The following TMC6 variants were observed in gnomAD, a reference collection of about 807,000 sequenced individuals.
TMC6 encodes the protein transmembrane channel-like protein 6.
A neutral mutation model predicts 95.4 loss-of-function variants in TMC6; 71 were observed. That is an observed-to-expected ratio of 0.74 (90% CI 0.61 to 0.91). The LOEUF (loss-of-function observed/expected upper bound fraction) is 0.91, where lower values mean the gene tolerates loss of function less well. TMC6 is among the 40% of genes least tolerant of loss of function. TMC6 has a pLI of 0.00. For synonymous variants in TMC6, 514 were observed against 483.1 expected (o/e 1.06, Z -0.84); for missense variants, 1,074 against 1,079.1 (o/e 1.00, Z 0.07).
intron 4 of TMC6, 91 bp from the exon 5 acceptor site, chr17:78,125,975 C>T: frequency 6.6e-7 from 1 of 1,515,968 alleles, no homozygotes; most frequent in African/African-American, 1.4e-5. Context: ...CGTCCCTCAC[C>T]CCTTCCCAGG....
chr17:78,127,198 G>A (rs946303126), intron 1 of TMC6, among the ~76,000 whole-genome samples: 1 of 152,212 alleles, frequency 6.6e-6, no homozygotes. Flanking sequence ...TGGGGAAGAG[G>A]TAGGGTGCCT....
Position 78,109,509 on chromosome 17 carries a change from C to G in TMC6, c.*3639G>C, listed in dbSNP as rs1205317419. 1 of 456,644 alleles carries G rather than the reference C, an allele frequency of 2.2e-6. No individual in the cohort carries two copies. Among genetic ancestry groups the G allele is most frequent in the Non-Finnish European group, 4.4e-6 (1 of 226,980 alleles). 28.3% of individuals were successfully genotyped at this position (456,644 alleles called of 1,614,324 possible). A position where few individuals can be genotyped will look rare whatever the true frequency, so the allele number is the denominator to read the frequency against. ...CTGGGCCCCAGGTCATCATGAAAAC[C>G]AGAAGCAGACACTCAGGAGGCTGAG... On this transcript the variant is annotated 3_prime_UTR_variant, in exon 20 of 20. Coordinates refer to ENST00000590602, the MANE Select transcript of TMC6 (RefSeq NM_001127198.5).
Position 78,108,252 on chromosome 17 carries a change from C to G in TMC6, c.*4896G>C, listed in dbSNP as rs550559169. On this transcript the variant is annotated 3_prime_UTR_variant, in exon 20 of 20. Transcript: ENST00000590602. ...GACCCGCACCCCCGCCACAGGCTGG[C>G]CCCCCCCCACCCATGGGGAAGGTGG... The G allele has an allele frequency of 3.4e-4, 51 of 148,026 alleles. No individual in the cohort carries two copies. The Middle Eastern group carries it at 5.9e-3, about 17-fold the overall frequency. The allele number at this position is 148,026 out of a possible 1,614,324, so 9.2% of individuals were successfully genotyped here.
rs2144821245 is a variant in TMC6, at chr17:78,112,502, C to T, written c.*646G>A. 1 of 163,596 alleles carries T rather than the reference C, an allele frequency of 6.1e-6. No individual in the cohort carries two copies. Among genetic ancestry groups the T allele is most frequent in the Middle Eastern group, 3.1e-3 (1 of 320 alleles). The allele number at this position is 163,596 out of a possible 1,614,324, so 10.1% of individuals were successfully genotyped here. A position where few individuals can be genotyped will look rare whatever the true frequency, so the allele number is the denominator to read the frequency against. On this transcript the variant is annotated 3_prime_UTR_variant, in exon 20 of 20. Transcript: ENST00000590602. Reference sequence around the variant, plus strand: ...GGGGCCAGCCCCACCTCACCAAGCCCTGTTCGCCTCCAAGCACAGGTGCTG... The same window carrying T: ...GGGGCCAGCCCCACCTCACCAAGCCTTGTTCGCCTCCAAGCACAGGTGCTG...
chr17:78,130,374 C>T (rs557390715), upstream of TMC6, among the ~76,000 whole-genome samples: 5 of 152,380 alleles, frequency 3.3e-5, no homozygotes, highest in South Asian at 1.0e-3. Context: ...CCACCGTTCC[C>T]ATCCCCACCC....
At position 78,113,622 on chromosome 17, in the gene TMC6, C is replaced by G. The variant is rs748630526; in HGVS notation, c.2280G>C (p.Glu760Asp). Residue 760 changes from glutamate to aspartate, a missense_variant and splice_region_variant, in exon 19 of 20, where the codon GAG (glutamate) becomes GAC (aspartate). Glu to Asp is a conservative substitution (Grantham distance 45, BLOSUM62 2). Transcript: ENST00000590602. ...ICLLKEQISN[E>D]GEDKIFLINK... is the part of the protein sequence containing the mutation. ...TGATTAAGAAGATTTTGTCCTCACCCTCCTAGAAAGGCCAGAACACAAAGG... is the reference window on the plus strand; with the variant it reads ...TGATTAAGAAGATTTTGTCCTCACCGTCCTAGAAAGGCCAGAACACAAAGG... The G allele has an allele frequency of 5.0e-5, 80 of 1,613,512 alleles. 1 individual carries two copies. Among genetic ancestry groups the G allele is most frequent in the Middle Eastern group, 3.3e-4 (2 of 6,084 alleles).
intron 18 of TMC6, among the ~76,000 whole-genome samples, chr17:78,116,980 C>T (rs2074150175): frequency 1.3e-5 from 2 of 152,238 alleles, no homozygotes; most frequent in Admixed American, 6.5e-5. Context: ...CAGAGACTGT[C>T]TAAACCCTCA....
chr17:78,109,420 C>T lies in TMC6; in HGVS notation c.*3728G>A, dbSNP rs1219838968. 9 of 456,178 alleles carry T rather than the reference C, an allele frequency of 2.0e-5. No homozygotes were observed. Among genetic ancestry groups the T allele is most frequent in the East Asian group, 6.9e-5 (1 of 14,412 alleles). The allele number at this position is 456,178 out of a possible 1,614,324, so 28.3% of individuals were successfully genotyped here. A position where few individuals can be genotyped will look rare whatever the true frequency, so the allele number is the denominator to read the frequency against. On this transcript the variant is annotated 3_prime_UTR_variant, in exon 20 of 20. Coordinates refer to ENST00000590602, the MANE Select transcript of TMC6 (RefSeq NM_001127198.5). ...AGCTCTGCATATCAGTGCTTCTCGG[C>T]GGAGCTGTGGCTGATGGGCTCCTGG... is the stretch of plus-strand genomic sequence containing the variant.
chr17:78,118,274 T>C (rs1289107216), intron 15 of TMC6: 1 of 412,220 alleles, frequency 2.4e-6, no homozygotes, highest in South Asian at 2.3e-5. Flanking sequence ...GGAGCCAGGA[T>C]GGCCAGGTGC....
rs578213962 is a variant in TMC6 at position 78,109,225 on chromosome 17, G to C, written c.*3923C>G. On this transcript the variant is annotated 3_prime_UTR_variant, in exon 20 of 20. Coordinates refer to ENST00000590602, the MANE Select transcript of TMC6 (RefSeq NM_001127198.5). The stretch of plus-strand genomic sequence containing the variant: ...GCGTGCCAAGAAGGCTGTTCCAATG[G>C]GGGAGAAGCCAGCAGACACAGAGGC... 2.9e-6 allele frequency: 1 copy of C among 345,590 alleles called. No homozygotes were observed. The highest frequency in any genetic ancestry group is 2.2e-5 in the South Asian group (1 of 45,796). 21.4% of individuals were successfully genotyped at this position (345,590 alleles called of 1,614,324 possible).
chr17:78,131,840 G>C (rs552487418), upstream of TMC6: 4 of 1,481,240 alleles, frequency 2.7e-6, no homozygotes, highest in Non-Finnish European at 3.6e-6. Context: ...GGGTGGGCAG[G>C]GCGGGTGACT....
chr17:78,115,149 A>G (rs1440918724), intron 18 of TMC6, among the ~76,000 whole-genome samples: 1 of 152,196 alleles, frequency 6.6e-6, no homozygotes, highest in Non-Finnish European at 1.5e-5. Flanking sequence ...TTTACAACCC[A>G]AGCAATGTGG....
intron 18 of TMC6, 142 bp downstream of exon 18, chr17:78,117,125 GTA>G: frequency 1.2e-6 from 1 of 819,262 alleles, no homozygotes; most frequent in Non-Finnish European, 2.0e-6. Flanking sequence ...TGAAGTGCAC[GTA>G]TTGATCAGGG....
At chr17:78,118,603 G>A (rs1203884182) in intron 15 of TMC6, among the ~76,000 whole-genome samples, 1 of 152,102 alleles carries the variant, frequency 6.6e-6, no homozygotes, top group Non-Finnish European at 1.5e-5. Flanking sequence ...GGGAAGAAAG[G>A]TCCCAGTTCT....
chr17:78,117,770 C>G, intron 16 of TMC6, 32 bp downstream of exon 16: 1 of 1,596,756 alleles, frequency 6.3e-7, no homozygotes, highest in Non-Finnish European at 8.5e-7. Flanking sequence ...CCAGATGACA[C>G]AGAAGGGTCT....
At chr17:78,125,965 C>A in intron 4 of TMC6, 81 bp from the exon 5 acceptor site, 4 of 1,526,674 alleles carry the variant, frequency 2.6e-6, no homozygotes, top group South Asian at 1.2e-5. Context: ...CAGGCCTCTG[C>A]GTCCCTCACC....
rs373232535 is a variant in TMC6, at chr17:78,124,863, C to T, written c.633+26G>A. The T allele has an allele frequency of 3.0e-4, 479 of 1,588,802 alleles. 4 individuals carry two copies. The South Asian group carries it at 4.9e-3, about 16-fold the overall frequency. ...CCCCAGCCCTGCCCAGCCGCCCCAG[C>T]CCCAGGGCAGACCAGGGGCCCATAC... On this transcript the variant is annotated intron_variant, in intron 7 of 19. Transcript: ENST00000590602.
upstream of TMC6, chr17:78,131,462 G>A (rs2074962797): frequency 1.5e-6 from 2 of 1,377,292 alleles, no homozygotes; most frequent in East Asian, 2.5e-5. Context: ...CAGAGGGGAC[G>A]GAAGGGCCCG....
At chr17:78,116,049 G>A (rs1040123251) in intron 18 of TMC6, among the ~76,000 whole-genome samples, 25 of 152,112 alleles carry the variant, frequency 1.6e-4, no homozygotes, top group South Asian at 1.0e-3. Context: ...TCGCTCTGTC[G>A]CCCGGGCTGG....
Sources: gnomAD v4.1 joint callset for allele counts (sites outside exome capture counted in the v4.1 genomes callset) on GRCh38, gnomAD v4.1.1 for gene constraint, MANE v1.5 for transcripts, NCBI Gene and HGNC (gene_info 2026-07-23, HGNC 2026-07-21) for gene names.